Variants in MADD observed in about 807,000 individuals in gnomAD.
MADD encodes MAP kinase activating death domain.
Under a neutral mutation model 176.7 loss-of-function variants are expected in MADD, and 109 were observed. The observed-to-expected ratio is 0.62, with a 90% confidence interval of 0.53 to 0.72. The LOEUF is 0.72. MADD is among the 30% of genes least tolerant of loss of function. The pLI, the probability that MADD is intolerant of heterozygous loss-of-function variation, is 0.00. For missense variants in MADD, 1,914 were observed against 2,045.5 expected (o/e 0.94, Z 1.24); for synonymous variants, 771 against 771.3 (o/e 1.00, Z 0.01).
chr11:47,305,859 G>A (rs1197112804), intron 22 of MADD, among the ~76,000 whole-genome samples: 1 of 152,126 alleles, frequency 6.6e-6, no homozygotes, highest in Non-Finnish European at 1.5e-5. Context: ...CCTGGGACAT[G>A]GGGTACTGTG....
intron 31 of MADD, chr11:47,327,869 CTGGGGGG>C: frequency 4.1e-6 from 4 of 985,424 alleles, no homozygotes; most frequent in Non-Finnish European, 3.6e-6. Context: ...GTGGCTGAGC[CTGGGGGG>C]CCTACTCCTT....
In MADD at chr11:47,309,053, T is replaced by C; in HGVS notation, c.3752-228T>C. ...AGACCTTTTCTATAAGTAACCACAT[T>C]TATTTGTGTGCTGTGTTCATCCCTC... On this transcript the variant is annotated intron_variant, in intron 23 of 32. Transcript: ENST00000402192. 6.2e-7 allele frequency: 1 copy of C among 1,613,780 alleles called. No individual in the cohort carries two copies. The highest frequency in any genetic ancestry group is 8.5e-7 in the Non-Finnish European group (1 of 1,179,792).
chr11:47,280,666 G>A (rs895699391), intron 7 of MADD, among the ~76,000 whole-genome samples: 5 of 152,178 alleles, frequency 3.3e-5, no homozygotes, highest in African/African-American at 1.2e-4. Context: ...CCAAGTTCAA[G>A]CGAATCTCTT....
At position 47,279,051 on chromosome 11, in the gene MADD, C is replaced by G; in HGVS notation, c.1262C>G (p.Ser421Ter). The change falls in exon 7 of 33, where the codon TCA (serine) becomes TGA (stop). Residue 421 changes from serine to a stop codon, truncating the protein, a stop_gained. Transcript: ENST00000402192. LOFTEE classifies it high-confidence loss of function. ...CTGCCTATCCTGCCAGAACCAGAATCACTAGAGCTGAAAAAGCATTTAAAG... is the reference window on the plus strand; with the variant it reads ...CTGCCTATCCTGCCAGAACCAGAATGACTAGAGCTGAAAAAGCATTTAAAG... 3 of 1,614,034 alleles carry G rather than the reference C, an allele frequency of 1.9e-6. No homozygotes were observed. The highest frequency in any genetic ancestry group is 2.5e-6 in the Non-Finnish European group (3 of 1,179,958).
intron 23 of MADD, 41 bp downstream of exon 25, chr11:47,308,740 C>T: frequency 6.6e-7 from 1 of 1,526,642 alleles, no homozygotes. Flanking sequence ...CTGGAGAAAG[C>T]TGACTCAGCC....
At chr11:47,278,086 T>C in intron 5 of MADD, 79 bp from the exon 6 acceptor site, 2 of 928,386 alleles carry the variant, frequency 2.2e-6, no homozygotes, top group South Asian at 1.3e-5. Context: ...TGCATTTCCT[T>C]ATCTAGAAGA....
At chr11:47,279,983 T>A (rs1004678082) in intron 7 of MADD, among the ~76,000 whole-genome samples, 2 of 152,102 alleles carry the variant, frequency 1.3e-5, no homozygotes, top group Non-Finnish European at 2.9e-5. Flanking sequence ...GGTAGAAGAA[T>A]CACTTGAACC....
At chr11:47,326,964 A>G in intron 31 of MADD, 157 bp downstream of exon 35, 1 of 1,411,172 alleles carries the variant, frequency 7.1e-7, no homozygotes, top group South Asian at 1.7e-5. Context: ...CCCTGAGATG[A>G]GAGCCGGGAT....
chr11:47,282,723 T>C, intron 9 of MADD, 90 bp from the exon 10 acceptor site: 1 of 1,590,778 alleles, frequency 6.3e-7, no homozygotes, highest in Non-Finnish European at 8.6e-7. Context: ...ATCCTGGCTC[T>C]GCTTTAGACT....
At chr11:47,299,911 C>G (rs2076327662) in intron 22 of MADD, among the ~76,000 whole-genome samples, 1 of 152,132 alleles carries the variant, frequency 6.6e-6, no homozygotes, top group Admixed American at 6.6e-5. Context: ...CTTTGATTAG[C>G]ATTTCCAGTT....
chr11:47,309,434 A>C (rs377452352), intron 24 of MADD, 33 bp downstream of exon 27: 3 of 1,614,054 alleles, frequency 1.9e-6, no homozygotes, highest in Non-Finnish European at 2.5e-6. Context: ...GGGAATCAGC[A>C]AACTCAGCCT....
At chr11:47,290,736 G>A (rs752053057) in exon 19 of MADD, 197 of 1,614,050 alleles carry the variant, frequency 1.2e-4, no homozygotes, top group Middle Eastern at 1.7e-4. Context: ...CTGGGACCTC[G>A]GGCACCAAGT....
exon 23 of MADD, chr11:47,308,607 T>G: frequency 6.2e-7 from 1 of 1,613,904 alleles, no homozygotes; most frequent in Non-Finnish European, 8.5e-7. Context: ...GCCCACAGCT[T>G]GAAGCCAAGC....
intron 30 of MADD, 46 bp downstream of exon 33, chr11:47,324,623 A>G (rs778801532): frequency 4.5e-6 from 6 of 1,343,448 alleles, no homozygotes; most frequent in Non-Finnish European, 5.3e-6. Context: ...TCCATCTGTA[A>G]GAAGGACCAA....
In MADD at chr11:47,293,779, TGG is replaced by T. The variant is rs936840677; in HGVS notation, c.3302-102_3302-101del. On this transcript the variant is annotated intron_variant, in intron 19 of 32. Transcript: ENST00000402192. ...GTAGTCCTTGGAAAGGTGACTAGGATGGGCTGAACGGGTCTGGGAACAGCCTG... is the reference window on the plus strand; with the variant it reads ...GTAGTCCTTGGAAAGGTGACTAGGATGCTGAACGGGTCTGGGAACAGCCTG... The T allele has an allele frequency of 4.2e-6, 3 of 714,616 alleles. No individual in the cohort carries two copies. The African/African-American group carries it at 5.3e-5, about 13-fold the overall frequency. The allele number at this position is 714,616 out of a possible 1,614,324, so 44.3% of individuals were successfully genotyped here.
chr11:47,308,367 C>T (rs1206648033), intron 22 of MADD, among the ~76,000 whole-genome samples: 3 of 152,198 alleles, frequency 2.0e-5, no homozygotes, highest in African/African-American at 4.8e-5. Flanking sequence ...AATAACCTTA[C>T]AGAGACTAAG....
chr11:47,308,729 A>C (rs758908848), intron 23 of MADD, 30 bp downstream of exon 25: 40 of 1,580,208 alleles, frequency 2.5e-5, no homozygotes, highest in Non-Finnish European at 3.4e-5. Flanking sequence ...GGCCCTTTGC[A>C]CTGGAGAAAG....
chr11:47,295,014 T>C (rs983517185), intron 20 of MADD, among the ~76,000 whole-genome samples: 32 of 124,110 alleles, frequency 2.6e-4, no homozygotes, highest in African/African-American at 1.1e-3. Flanking sequence ...TTTTTGTTTT[T>C]TTGTTTTTTT....
rs568932857 is a variant in MADD at position 47,272,907 on chromosome 11, A to C, written c.-88-920A>C. ...GAGATTATGATTCAGCACCAAGGGCAGAGCTAGTAGCAGTGGCCTCTGGGC... is the reference window on the plus strand; with the variant it reads ...GAGATTATGATTCAGCACCAAGGGCCGAGCTAGTAGCAGTGGCCTCTGGGC... On this transcript the variant is annotated intron_variant, in intron 1 of 32. Coordinates refer to ENST00000402192, the Ensembl canonical transcript of MADD. 3.3e-5 allele frequency among the ~76,000 whole-genome samples: 5 copies of C among 152,360 alleles called. No individual in the cohort carries two copies. The East Asian group carries it at 9.6e-4, about 29-fold the overall frequency.
Sources: allele counts gnomAD v4.1 joint callset (sites outside exome capture counted in the v4.1 genomes callset), GRCh38; gene constraint gnomAD v4.1.1; transcripts MANE v1.5; gene names NCBI Gene and HGNC (gene_info 2026-07-23, HGNC 2026-07-21).